Variants in DNAH6 observed in about 807,000 individuals in gnomAD.
DNAH6 encodes dynein axonemal heavy chain 6.
In DNAH6, 340 loss-of-function variants were observed where a neutral mutation model predicts 491.4. The observed-to-expected ratio is 0.69, with a 90% confidence interval of 0.63 to 0.76. The LOEUF (loss-of-function observed/expected upper bound fraction) is 0.76, where lower values mean the gene tolerates loss of function less well. Ranked by LOEUF, DNAH6 falls within the 30% of genes least tolerant of loss-of-function variation. The pLI is 0.00. For synonymous variants in DNAH6, 1,603 were observed against 1,686.1 expected, an observed-to-expected ratio of 0.95 and a Z score of 1.21; for missense variants, 4,443 against 4,972.2, an observed-to-expected ratio of 0.89 and a Z score of 3.20.
chr2:84,641,404 G>A (rs549266629), intron 32 of DNAH6, among the ~76,000 whole-genome samples: 1 of 152,248 alleles, frequency 6.6e-6, no homozygotes, highest in East Asian at 1.9e-4. Context: ...CTAAGAACTT[G>A]AGATACACTT....
Position 84,781,497 on chromosome 2 carries a change from C to T in DNAH6, c.10708C>T (p.Gln3570Ter), listed in dbSNP as rs1314826497. The T allele has an allele frequency of 1.3e-6, 2 of 1,548,162 alleles. No individual in the cohort carries two copies. The highest frequency in any genetic ancestry group is 2.7e-5 in the African/African-American group (2 of 73,054). The change falls in exon 65 of 77, where the codon CAG becomes TAG. Residue 3570 changes from glutamine (Q) to a stop codon, truncating the protein, a stop_gained. Coordinates refer to ENST00000389394, the MANE Select transcript of DNAH6 (RefSeq NM_001370.2). LOFTEE classifies it high-confidence loss of function. ...ARESGYSERVQSISLGQGQGP... is the reference protein window; with the variant it reads ...ARESGYSERV ...TGTTCTTGCTGTTCAATTCAGGGTG[C>T]AGTCAATTTCACTGGGGCAAGGACA...
rs865852225 is a variant in DNAH6 at position 84,653,824 on chromosome 2, G to A, written c.5584G>A (p.Ala1862Thr). ...GGATGATAACAAGATGCTTTGCCTG[G>A]CTAACAGTGAGAGGATTAAACTCAC... ...VLDDNKMLCL[A>T]NSERIKLTPQ... Residue 1862 changes from alanine to threonine, a missense_variant, in exon 34 of 77, where the codon GCT becomes ACT. Physicochemically the swap from Ala to Thr is moderately conservative, Grantham distance 58. Transcript: ENST00000389394. 3.2e-6 allele frequency: 5 copies of A among 1,551,180 alleles called. No individual in the cohort carries two copies. In the South Asian group the frequency reaches 3.6e-5, roughly 11 times the overall value.
the DNAH6 span, among the ~76,000 whole-genome samples, chr2:84,466,299 AG>A: frequency 6.6e-6 from 1 of 152,254 alleles, no homozygotes; most frequent in Non-Finnish European, 1.5e-5. Context: ...TTCCAGTCAA[AG>A]CCTTGGTAAA....
At chr2:84,778,264 G>A (rs6711522) in intron 64 of DNAH6, 441 of 587,226 alleles carry the variant, frequency 7.5e-4, no homozygotes, top group African/African-American at 6.7e-3. Flanking sequence ...TGCATGTCCG[G>A]CGGGCATCGG....
chr2:84,726,973 T>C (rs1404868673), intron 60 of DNAH6, among the ~76,000 whole-genome samples: 2 of 152,130 alleles, frequency 1.3e-5, no homozygotes, highest in Non-Finnish European at 2.9e-5. Flanking sequence ...GGAAACAAGG[T>C]AGAAATCTCC....
chr2:84,813,068 A>G lies in DNAH6; in HGVS notation c.11936A>G (p.Lys3979Arg), dbSNP rs1680152592. Residue 3979 changes from lysine to arginine, a missense_variant, in exon 74 of 77, where the codon AAA (lysine) becomes AGA (arginine). Physicochemically the swap from Lys to Arg is conservative, Grantham distance 26. Around this residue, in one of 3 missense-constraint regions of DNAH6, gnomAD observed 1,463 missense variants for 1,656.6 expected, o/e 0.88. Transcript: ENST00000389394. Reference sequence around the variant, plus strand: ...ATGTTTCTCCTTCAGCTGTGGCTCAAAAGAGGACAGCCTAAGTCCTACTGG... The same window carrying G: ...ATGTTTCTCCTTCAGCTGTGGCTCAGAAGAGGACAGCCTAAGTCCTACTGG... ...LRTSFVDLWL[K>R]RGQPKSYWIS... is the part of the protein sequence containing the mutation. The G allele has an allele frequency of 1.3e-6, 2 of 1,551,538 alleles. No homozygotes were observed. Among genetic ancestry groups the G allele is most frequent in the Admixed American group, 2.0e-5 (1 of 51,022 alleles).
intron 64 of DNAH6, among the ~76,000 whole-genome samples, chr2:84,764,144 T>C (rs1365179420): frequency 6.6e-6 from 1 of 152,198 alleles, no homozygotes; most frequent in Non-Finnish European, 1.5e-5. Context: ...GAATAATGTT[T>C]GACCAAATAT....
At chr2:84,506,620 G>A in the DNAH6 span, among the ~76,000 whole-genome samples, 3 of 152,302 alleles carry the variant, frequency 2.0e-5, 1 homozygote, top group Middle Eastern at 0.01. Context: ...TGCTTTTGGT[G>A]TTTTAGTCAT....
At chr2:84,605,191 C>CAAA (rs58744232) in intron 19 of DNAH6, among the ~76,000 whole-genome samples, 5,599 of 138,290 alleles carry the variant, frequency 0.04, 324 homozygotes, top group African/African-American at 0.14. Flanking sequence ...ATTAAAAATA[C>CAAA]AAAAAAAAAA....
intron 51 of DNAH6, 140 bp from the exon 52 acceptor site, chr2:84,705,346 A>T (rs1469172836): frequency 1.2e-6 from 1 of 858,186 alleles, no homozygotes; most frequent in Non-Finnish European, 1.7e-6. Context: ...GCACCTAACT[A>T]CCAATTACTA....
chr2:84,619,104 A>AT (rs1687147673), intron 23 of DNAH6, among the ~76,000 whole-genome samples: 2 of 152,204 alleles, frequency 1.3e-5, no homozygotes, highest in African/African-American at 4.8e-5. Context: ...TTATTTCTAC[A>AT]TAGGTATAGC....
intron 66 of DNAH6, 98 bp from the exon 67 acceptor site, chr2:84,785,511 CT>C: frequency 8.2e-7 from 1 of 1,223,426 alleles, no homozygotes; most frequent in Non-Finnish European, 1.1e-6. Context: ...CATCAGCAAT[CT>C]ACATCATTTC....
chr2:84,589,356 T>C (rs1381016355), intron 16 of DNAH6, among the ~76,000 whole-genome samples: 1 of 152,170 alleles, frequency 6.6e-6, no homozygotes, highest in African/African-American at 2.4e-5. Context: ...TACCCTGGTT[T>C]TATGTGCCAA....
intron 11 of DNAH6, among the ~76,000 whole-genome samples, chr2:84,571,313 A>G (rs923401827): frequency 2.0e-5 from 3 of 152,230 alleles, no homozygotes; most frequent in Non-Finnish European, 2.9e-5. Context: ...GGTTATTTAC[A>G]TAGCCTCAAA....
Position 84,619,922 on chromosome 2 carries a change from A to G in DNAH6, c.3792+18A>G, listed in dbSNP as rs1687242050. 6.5e-7 allele frequency: 1 copy of G among 1,536,140 alleles called. No homozygotes were observed. The highest frequency in any genetic ancestry group is 8.8e-7 in the Non-Finnish European group (1 of 1,133,864). On this transcript the variant is annotated intron_variant, in intron 24 of 76. Transcript: ENST00000389394. ...GAGAAAGGGTGAGGTGCTTTTATTT[A>G]TATTTCTTTATTGATGAACTTTGCT... is the stretch of plus-strand genomic sequence containing the variant.
chr2:84,790,418 TCAA>T (rs1677624788), intron 68 of DNAH6, among the ~76,000 whole-genome samples: 1 of 152,048 alleles, frequency 6.6e-6, no homozygotes, highest in Non-Finnish European at 1.5e-5. Context: ...CTTTTACACT[TCAA>T]CACACACCAT....
Position 84,518,014 on chromosome 2 carries a change from C to T in DNAH6, c.188C>T (p.Thr63Ile). Residue 63 changes from threonine to isoleucine, a missense_variant, in exon 2 of 77, where the codon ACA becomes ATA. By Grantham distance (89) the Thr-to-Ile change is moderately conservative (BLOSUM62 -1). Transcript: ENST00000389394. ...FRHITKAQEK[T>I]RKRQQPIKLE... is the part of the protein sequence containing the mutation. The stretch of plus-strand genomic sequence containing the variant: ...CACATTACAAAAGCTCAGGAGAAGA[C>T]AAGAAAACGACAGCAGCCTATAAAA... The T allele has an allele frequency of 1.9e-6, 3 of 1,545,588 alleles. No homozygotes were observed. The highest frequency in any genetic ancestry group is 1.7e-6 in the Non-Finnish European group (2 of 1,143,534).
chr2:84,619,941 C>G, intron 24 of DNAH6, 37 bp downstream of exon 24: 1 of 1,485,160 alleles, frequency 6.7e-7, no homozygotes, highest in Non-Finnish European at 9.2e-7. Context: ...TATTGATGAA[C>G]TTTGCTACTC....
Position 84,624,473 on chromosome 2 carries a change from A to G in DNAH6, c.4206A>G (p.Thr1402=). The change falls in exon 28 of 77, where the codon ACA becomes ACG. Residue 1402 remains threonine (T), a synonymous_variant. Transcript: ENST00000389394. ...ATGTATATCACATATAGGTGGAGAC[A>G]GTTGAATCTTTTGACTGGCAGAGAC... The part of the protein sequence containing the change: ...VTELVQSKVE[T]VESFDWQRQL... 1.3e-6 allele frequency: 2 copies of G among 1,551,838 alleles called. No homozygotes were observed.
Sources: gnomAD v4.1 joint callset for allele counts (sites outside exome capture counted in the v4.1 genomes callset) on GRCh38, gnomAD v4.1.1 for gene constraint, gnomAD v4.1.1 regional missense constraint, MANE v1.5 for transcripts, NCBI Gene and HGNC (gene_info 2026-07-23, HGNC 2026-07-21) for gene names.